Variants in NUGGC observed in about 807,000 individuals in gnomAD.
NUGGC encodes nuclear GTPase, germinal center associated.
Under a neutral mutation model 92.6 loss-of-function variants are expected in NUGGC, and 58 were observed. The ratio of observed to expected loss-of-function variants is 0.63; its 90% CI spans 0.51 to 0.78. The LOEUF is 0.78. Ranked by LOEUF, NUGGC falls within the 30% of genes least tolerant of loss-of-function variation. The pLI is 0.00. For missense variants in NUGGC, 925 were observed against 964.6 expected, an observed-to-expected ratio of 0.96 and a Z score of 0.54; for synonymous variants, 376 against 366.4, an observed-to-expected ratio of 1.03 and a Z score of -0.30.
intron 3 of NUGGC, chr8:28,069,982 A>T: frequency 2.4e-6 from 1 of 416,498 alleles, no homozygotes; most frequent in Non-Finnish European, 3.2e-6. Context: ...CACCATGCTG[A>T]CACCCACGGA....
At position 28,033,649 on chromosome 8, in the gene NUGGC, G is replaced by A; in HGVS notation, c.1660C>T (p.Leu554=). Residue 554 remains leucine, a synonymous_variant, in exon 14 of 19, where the codon CTG becomes TTG. Coordinates refer to ENST00000413272, the MANE Select transcript of NUGGC (RefSeq NM_001010906.2). ...GFHQTLKAVC[L]KNGIYASRTL... is the part of the protein sequence containing the mutation. ...CTGGAGGCATAGATGCCATTTTTCA[G>A]GCAAACAGCTTTCAGGGTCTGATGA... 1 of 1,613,894 alleles carries A rather than the reference G, an allele frequency of 6.2e-7. No homozygotes were observed. The highest frequency in any genetic ancestry group is 8.5e-7 in the Non-Finnish European group (1 of 1,179,834).
chr8:28,041,255 C>A, intron 12 of NUGGC, 40 bp from the exon 13 acceptor site: 2 of 1,564,204 alleles, frequency 1.3e-6, no homozygotes, highest in East Asian at 4.6e-5. Flanking sequence ...CCACCCCCTC[C>A]CTAAGGGCAC....
chr8:28,030,206 G>A lies in NUGGC; in HGVS notation c.2017+104C>T, dbSNP rs116198290. 1.3e-3 allele frequency: 917 copies of A among 686,918 alleles called. 7 individuals are homozygous for A. Among genetic ancestry groups the A allele is most frequent in the African/African-American group, 0.013 (723 of 56,812 alleles). The allele number at this position is 686,918 out of a possible 1,614,324, so 42.6% of individuals were successfully genotyped here. A position where few individuals can be genotyped will look rare whatever the true frequency, so the allele number is the denominator to read the frequency against. ...GACTGAGAGTGCTGCAAAGTCTTAG[G>A]GTGCAAGAGAACAGGGCCTTTGAGG... On this transcript the variant is annotated intron_variant, in intron 16 of 18. Transcript: ENST00000413272.
intron 1 of NUGGC, among the ~76,000 whole-genome samples, chr8:28,077,079 AT>A (rs966274295): frequency 6.6e-6 from 1 of 152,108 alleles, no homozygotes; most frequent in Non-Finnish European, 1.5e-5. Flanking sequence ...CTTACTTGAA[AT>A]TTTCACCAAG....
At chr8:28,035,978 G>A (rs1372527021) in intron 13 of NUGGC, among the ~76,000 whole-genome samples, 3 of 152,190 alleles carry the variant, frequency 2.0e-5, no homozygotes, top group Admixed American at 6.5e-5. Context: ...CAACACCTGG[G>A]CTCAGGTGAT....
At chr8:28,027,118 G>C (rs1435255257) in intron 17 of NUGGC, 66 bp from the exon 18 acceptor site, 1 of 1,294,600 alleles carries the variant, frequency 7.7e-7, no homozygotes, top group East Asian at 2.3e-5. Context: ...TCTTATAAAA[G>C]GGACCCCACC....
Position 28,034,088 on chromosome 8 carries a change from C to T in NUGGC, c.1612-391G>A, listed in dbSNP as rs149717071. The stretch of plus-strand genomic sequence containing the variant: ...GTTTGAGAAATATTTGCTAAATGAG[C>T]AATTATTGAACGACTAAATAAATGA... On this transcript the variant is annotated intron_variant, in intron 13 of 18. Transcript: ENST00000413272. Among the ~76,000 whole-genome samples, 86 of 152,320 alleles carry T rather than the reference C, an allele frequency of 5.6e-4. No homozygotes were observed. The East Asian group carries it at 0.016, about 29-fold the overall frequency.
At chr8:28,057,964 G>A (rs896880885) in intron 9 of NUGGC, among the ~76,000 whole-genome samples, 2 of 152,142 alleles carry the variant, frequency 1.3e-5, no homozygotes, top group South Asian at 2.1e-4. Context: ...GGCTGAAGCC[G>A]GTGGATCACC....
At chr8:28,046,294 T>C (rs1809831552) in intron 11 of NUGGC, among the ~76,000 whole-genome samples, 1 of 152,288 alleles carries the variant, frequency 6.6e-6, no homozygotes, top group African/African-American at 2.4e-5. Flanking sequence ...TCTGGGAACA[T>C]TTCACACCTT....
chr8:28,063,617 T>G (rs1810363207), intron 7 of NUGGC, among the ~76,000 whole-genome samples: 2 of 152,156 alleles, frequency 1.3e-5, no homozygotes, highest in South Asian at 4.1e-4. Context: ...AAACCTGCTC[T>G]CCAAGGCTGT....
chr8:28,045,566 C>T lies in NUGGC; in HGVS notation c.1407G>A (p.Leu469=), dbSNP rs202084810. 5.2e-4 allele frequency: 833 copies of T among 1,612,758 alleles called. 3 individuals carry two copies. The African/African-American group carries it at 9.9e-3, about 19-fold the overall frequency. Reference sequence around the variant, plus strand: ...TGGAGTTGAAACTATCTGTGAGGAGCAACAGGCCAAAGGCTTCAGTCACAT... The same window carrying T: ...TGGAGTTGAAACTATCTGTGAGGAGTAACAGGCCAAAGGCTTCAGTCACAT... ...TKYVTEAFGL[L]LLTDSFNSTQ... The change falls in exon 12 of 19, where the codon TTG becomes TTA. Residue 469 remains leucine (L), a synonymous_variant. Coordinates refer to ENST00000413272, the MANE Select transcript of NUGGC (RefSeq NM_001010906.2).
chr8:28,035,560 C>T (rs1349281827), intron 13 of NUGGC, among the ~76,000 whole-genome samples: 1 of 152,168 alleles, frequency 6.6e-6, no homozygotes, highest in East Asian at 1.9e-4. Flanking sequence ...GGCTCAATTT[C>T]AGTACACAAA....
At chr8:28,079,280 G>A (rs1029586835) in intron 1 of NUGGC, among the ~76,000 whole-genome samples, 7 of 152,118 alleles carry the variant, frequency 4.6e-5, no homozygotes, top group Non-Finnish European at 1.0e-4. Context: ...GGTGGCTCTC[G>A]CCTGTAATCC....
chr8:28,062,224 A>C (rs1263859901), intron 7 of NUGGC, among the ~76,000 whole-genome samples: 1 of 152,202 alleles, frequency 6.6e-6, no homozygotes, highest in Non-Finnish European at 1.5e-5. Context: ...ACGACGATGG[A>C]TCCTGTCTCT....
At chr8:28,036,506 A>G (rs1468694149) in intron 13 of NUGGC, among the ~76,000 whole-genome samples, 1 of 152,186 alleles carries the variant, frequency 6.6e-6, no homozygotes, top group Admixed American at 6.5e-5. Flanking sequence ...CCAACACTGT[A>G]TTAGATATTC....
At chr8:28,030,802 C>G (rs1446728811) in intron 15 of NUGGC, among the ~76,000 whole-genome samples, 2 of 152,082 alleles carry the variant, frequency 1.3e-5, no homozygotes, top group Admixed American at 6.5e-5. Context: ...GTCTTGAGGC[C>G]TCAAAACTAA....
In NUGGC at chr8:28,070,272, T is replaced by C. The variant is rs1297649996; in HGVS notation, c.128A>G (p.Glu43Gly). Reference sequence around the variant, plus strand: ...CTCACATTCCTTAAGAGCACTCTGCTCCATGGAGGGAAATGCTCGGAACCG... The same window carrying C: ...CTCACATTCCTTAAGAGCACTCTGCCCCATGGAGGGAAATGCTCGGAACCG... ...DQRFRAFPSM[E>G]QSALKEYEKL... Residue 43 changes from glutamate to glycine, a missense_variant, in exon 3 of 19, where the codon GAG becomes GGG. Transcript: ENST00000413272. The C allele has an allele frequency of 1.3e-6, 2 of 1,553,676 alleles. No individual in the cohort carries two copies. The highest frequency in any genetic ancestry group is 1.2e-5 in the South Asian group (1 of 84,186).
chr8:28,034,254 G>C (rs183762602), intron 13 of NUGGC, among the ~76,000 whole-genome samples: 1 of 152,098 alleles, frequency 6.6e-6, no homozygotes, highest in Admixed American at 6.5e-5. Flanking sequence ...TTTTTTCCCA[G>C]GGAAATAAAT....
Position 28,074,506 on chromosome 8 carries a change from C to A in NUGGC, c.-46-50G>T, listed in dbSNP as rs142568914. ...GGTGGGGCAGCGGAATTTGAAAATACAGAAAGCAAACCCTAAGGATGTGTC... is the reference window on the plus strand; with the variant it reads ...GGTGGGGCAGCGGAATTTGAAAATAAAGAAAGCAAACCCTAAGGATGTGTC... On this transcript the variant is annotated intron_variant, in intron 1 of 18. Coordinates refer to ENST00000413272, the MANE Select transcript of NUGGC (RefSeq NM_001010906.2). The A allele has an allele frequency of 6.3e-4, 812 of 1,285,242 alleles. 8 individuals carry two copies. The East Asian group carries it at 0.016, about 25-fold the overall frequency. The allele number at this position is 1,285,242 out of a possible 1,614,324, so 79.6% of individuals were successfully genotyped here. A position where few individuals can be genotyped will look rare whatever the true frequency, so the allele number is the denominator to read the frequency against.
Sources: allele counts gnomAD v4.1 joint callset (sites outside exome capture counted in the v4.1 genomes callset), GRCh38; gene constraint gnomAD v4.1.1; transcripts MANE v1.5; gene names NCBI Gene and HGNC (gene_info 2026-07-23, HGNC 2026-07-21).